Variants in NIN observed in about 807,000 individuals in gnomAD.
NIN encodes ninein, also known as glycogen synthase kinase 3 beta-interacting protein.
In NIN, 137 loss-of-function variants were observed where a neutral mutation model predicts 257.6. The observed-to-expected ratio is 0.53, with a 90% CI of 0.46 to 0.61. The LOEUF is 0.61. Among genes scored for constraint, NIN ranks in the 20% least tolerant of loss-of-function variants. NIN has a pLI of 0.00. For missense variants in NIN, 2,439 were observed against 2,501.2 expected (o/e 0.98, Z 0.53); for synonymous variants, 918 against 919.8 (o/e 1.00, Z 0.04).
chr14:50,827,530 A>T (rs1034327226), intron 2 of NIN, among the ~76,000 whole-genome samples: 1 of 151,636 alleles, frequency 6.6e-6, no homozygotes, highest in Non-Finnish European at 1.5e-5. Flanking sequence ...GGTGGATCAC[A>T]AGGTCAGGAG....
intron 5 of NIN, among the ~76,000 whole-genome samples, chr14:50,785,322 C>T (rs2043300231): frequency 6.6e-6 from 1 of 152,260 alleles, no homozygotes; most frequent in Admixed American, 6.5e-5. Context: ...AGCCGCCACC[C>T]CCACCAGCCA....
intron 3 of NIN, among the ~76,000 whole-genome samples, chr14:50,821,492 T>G (rs2045219027): frequency 6.6e-6 from 1 of 152,194 alleles, no homozygotes; most frequent in Admixed American, 6.5e-5. Flanking sequence ...TCACTGGGAG[T>G]AAAAGTCATA....
intron 2 of NIN, among the ~76,000 whole-genome samples, chr14:50,829,723 C>A (rs1389371254): frequency 3.3e-5 from 5 of 152,214 alleles, no homozygotes; most frequent in African/African-American, 1.2e-4. Context: ...GTCTTTCCAG[C>A]TCCCATTTTG....
Position 50,822,078 on chromosome 14 carries a change from C to T in NIN, c.-21-1G>A. 6.2e-7 allele frequency: 1 copy of T among 1,605,344 alleles called. No homozygotes were observed. Among genetic ancestry groups the T allele is most frequent in the Non-Finnish European group, 8.5e-7 (1 of 1,174,652 alleles). ...CCATCCCATAGCCCACAGTGCTCAC[C>T]TGTGTGTAAGACAGAGACAAGGACA... On this transcript the variant is annotated splice_acceptor_variant, in intron 2 of 30. Coordinates refer to ENST00000530997, the MANE Select transcript of NIN (RefSeq NM_020921.4). LOFTEE classifies it low-confidence loss of function (5UTR_SPLICE).
At chr14:50,795,457 A>G (rs1399696683) in intron 4 of NIN, among the ~76,000 whole-genome samples, 1 of 152,236 alleles carries the variant, frequency 6.6e-6, no homozygotes, top group Non-Finnish European at 1.5e-5. Context: ...AATCTCAATC[A>G]GAGATTTAGA....
chr14:50,758,179 G>A lies in NIN; in HGVS notation c.2851C>T (p.Arg951Cys), dbSNP rs1044200686. Reference protein sequence around the residue: ...KSSHKRELREREEVLCQAGAS... With the variant: ...KSSHKRELRECEEVLCQAGAS... ...CCTGCCTGGCACAGGACCTCCTCACGCTCCCTCAGTTCCCTTTTGTGACTG... is the reference window on the plus strand; with the variant it reads ...CCTGCCTGGCACAGGACCTCCTCACACTCCCTCAGTTCCCTTTTGTGACTG... Residue 951 changes from arginine (R) to cysteine (C), a missense_variant, in exon 18 of 31, where the codon CGT (arginine) becomes TGT (cysteine). Arg to Cys is a radical substitution (Grantham distance 180, BLOSUM62 -3). Transcript: ENST00000530997. The A allele has an allele frequency of 1.2e-5, 20 of 1,614,028 alleles. 1 individual carries two copies. The Admixed American group carries it at 1.8e-4, about 15-fold the overall frequency.
At chr14:50,797,015 A>G (rs1353757494) in intron 4 of NIN, among the ~76,000 whole-genome samples, 1 of 152,236 alleles carries the variant, frequency 6.6e-6, no homozygotes, top group Non-Finnish European at 1.5e-5. Flanking sequence ...TATATATTCA[A>G]TTGAATGCTT....
In NIN at chr14:50,758,401, T is replaced by G. The variant is rs1435624647; in HGVS notation, c.2629A>C (p.Lys877Gln). 2 of 1,613,950 alleles carry G rather than the reference T, an allele frequency of 1.2e-6. No individual in the cohort carries two copies. Among genetic ancestry groups the G allele is most frequent in the Non-Finnish European group, 1.7e-6 (2 of 1,179,920 alleles). The change falls in exon 18 of 31, where the codon AAA becomes CAA. Residue 877 changes from lysine to glutamine, a missense_variant. Transcript: ENST00000530997. Reference protein sequence around the residue: ...QECAEAQELLKETLKREKTTS... With the variant: ...QECAEAQELLQETLKREKTTS... ...GTTTTCTCTCTCTTAAGAGTCTCTT[T>G]CAGCAGCTCCTGGGCTTCCGCACAC...
In NIN at chr14:50,722,107, T is replaced by A. The variant is rs925156149; in HGVS notation, c.*1356A>T. On this transcript the variant is annotated 3_prime_UTR_variant, in exon 31 of 31. Coordinates refer to ENST00000530997, the MANE Select transcript of NIN (RefSeq NM_020921.4). The stretch of plus-strand genomic sequence containing the variant: ...ATGAACTTGGAAAGTGCCCTGCACC[T>A]AGTAAGTCTTCCACCAACTGCTGGC... 1 of 227,174 alleles carries A rather than the reference T, an allele frequency of 4.4e-6. No homozygotes were observed. The highest frequency in any genetic ancestry group is 8.7e-6 in the Non-Finnish European group (1 of 114,856). The allele number at this position is 227,174 out of a possible 1,614,324, so 14.1% of individuals were successfully genotyped here.
At chr14:50,723,737 G>A in intron 30 of NIN, 65 bp from the exon 31 acceptor site, 1 of 1,402,252 alleles carries the variant, frequency 7.1e-7, no homozygotes, top group Non-Finnish European at 1.0e-6. Context: ...TTCAGTTTAA[G>A]GTCTGACATA....
intron 6 of NIN, among the ~76,000 whole-genome samples, chr14:50,778,431 G>A (rs1303744322): frequency 6.6e-6 from 1 of 152,182 alleles, no homozygotes; most frequent in Non-Finnish European, 1.5e-5. Context: ...GCCTCCCAAA[G>A]TGCTGGGATT....
chr14:50,762,598 G>T (rs900324628), intron 15 of NIN, among the ~76,000 whole-genome samples: 1 of 152,174 alleles, frequency 6.6e-6, no homozygotes, highest in Admixed American at 6.5e-5. Context: ...GTTGTGGGTA[G>T]AAATTCTTAA....
intron 2 of NIN, among the ~76,000 whole-genome samples, chr14:50,824,855 A>T (rs1398844184): frequency 6.6e-6 from 1 of 152,178 alleles, no homozygotes; most frequent in Non-Finnish European, 1.5e-5. Context: ...TCTCAAAGGC[A>T]TTTTCAGCCT....
intron 30 of NIN, chr14:50,724,013 C>T (rs2040325285): frequency 3.7e-6 from 1 of 266,982 alleles, no homozygotes; most frequent in African/African-American, 2.3e-5. Context: ...AACTTAAATT[C>T]CTGAGGTGTC....
At position 50,812,503 on chromosome 14, in the gene NIN, C is replaced by T. The variant is rs150759711; in HGVS notation, c.184-5685G>A. Among the ~76,000 whole-genome samples, 537 of 152,170 alleles carry T rather than the reference C, an allele frequency of 3.5e-3. 1 individual carries two copies. The highest frequency in any genetic ancestry group is 0.012 in the African/African-American group (501 of 41,446). On this transcript the variant is annotated intron_variant, in intron 3 of 30. Coordinates refer to ENST00000530997, the MANE Select transcript of NIN (RefSeq NM_020921.4). ...TGATCAAGAAGACACATAACCTCTG[C>T]CCTCAAGGAGTTTATCAGCTACCCC...
Position 50,756,482 on chromosome 14 carries a change from C to T in NIN, c.4538+10G>A, listed in dbSNP as rs367876338. ...TGGGATTCGTGACGTCTAGAAGGTA[C>T]ATACATTACCTCAGAAGTTCAACTT... On this transcript the variant is annotated intron_variant, in intron 18 of 30. Transcript: ENST00000530997. 2.5e-6 allele frequency: 4 copies of T among 1,580,724 alleles called. No homozygotes were observed. Among genetic ancestry groups the T allele is most frequent in the African/African-American group, 2.7e-5 (2 of 74,102 alleles).
At position 50,757,606 on chromosome 14, in the gene NIN, G is replaced by A. The variant is rs1413804445; in HGVS notation, c.3424C>T (p.His1142Tyr). 2.5e-6 allele frequency: 4 copies of A among 1,614,134 alleles called. No homozygotes were observed. Among genetic ancestry groups the A allele is most frequent in the Non-Finnish European group, 2.5e-6 (3 of 1,180,030 alleles). ...TCATCTTCCAGGTCACTTAGGACAT[G>A]CCGCCTGGTCACACCTTCTACTTGC... ...TKQVEGVTRRHVLSDLEDDEV... is the reference protein window; with the variant it reads ...TKQVEGVTRRYVLSDLEDDEV... Residue 1142 changes from histidine (H) to tyrosine (Y), a missense_variant, in exon 18 of 31, where the codon CAT (histidine) becomes TAT (tyrosine). By Grantham distance (83) the His-to-Tyr change is moderately conservative. This residue lies in a region of NIN where 2,043 missense variants were observed against 2,050.2 expected (regional missense o/e 1.00). Coordinates refer to ENST00000530997, the MANE Select transcript of NIN (RefSeq NM_020921.4).
In NIN at chr14:50,777,043, C is replaced by T. The variant is rs2042950356; in HGVS notation, c.572G>A (p.Cys191Tyr). 28 of 1,614,250 alleles carry T rather than the reference C, an allele frequency of 1.7e-5. No homozygotes were observed. Among genetic ancestry groups the T allele is most frequent in the Non-Finnish European group, 2.3e-5 (27 of 1,180,050 alleles). Residue 191 changes from cysteine to tyrosine, a missense_variant, in exon 7 of 31, where the codon TGT becomes TAT. Cys to Tyr is a radical substitution (Grantham distance 194, BLOSUM62 -2). Coordinates refer to ENST00000530997, the MANE Select transcript of NIN (RefSeq NM_020921.4). ...DWIEEKLQEVCEDLGITRDGH... is the reference protein window; with the variant it reads ...DWIEEKLQEVYEDLGITRDGH... ...ATCACGGGTGATCCCCAAATCTTCACAAACTTCTTGCAGTTTCTCTTCTAT... is the reference window on the plus strand; with the variant it reads ...ATCACGGGTGATCCCCAAATCTTCATAAACTTCTTGCAGTTTCTCTTCTAT...
chr14:50,821,397 G>A (rs1321700417), intron 3 of NIN, among the ~76,000 whole-genome samples: 2 of 152,212 alleles, frequency 1.3e-5, no homozygotes, highest in Non-Finnish European at 2.9e-5. Context: ...AACCTGCACT[G>A]TATTTATTTA....
Sources: allele counts gnomAD v4.1 joint callset (sites outside exome capture counted in the v4.1 genomes callset), GRCh38; gene constraint gnomAD v4.1.1; regional missense constraint gnomAD v4.1.1; transcripts MANE v1.5; gene names NCBI Gene and HGNC (gene_info 2026-07-23, HGNC 2026-07-21).